SPI1: variants seen among roughly 807,000 people sequenced by gnomAD.
SPI1 encodes the protein Spi-1 proto-oncogene.
A neutral mutation model predicts 30.7 loss-of-function variants in SPI1; 3 were observed. The observed-to-expected ratio is 0.10, with a 90% confidence interval of 0.04 to 0.25. SPI1 has a LOEUF of 0.25. SPI1 is among the 10% of genes least tolerant of loss of function. SPI1 has a pLI of 1.00. For synonymous variants in SPI1, 169 were observed against 157.1 expected (o/e 1.08, Z -0.56); for missense variants, 261 against 371.5 (o/e 0.70, Z 2.45).
rs2095941731 is a variant in SPI1 at position 47,375,926 on chromosome 11, C to A, written c.46-197G>T. ...AGGCCTGAAAAGGGGTGACAGGGAC[C>A]TTGGGGGTGAGAGGTCAGAAGAGGA... On this transcript the variant is annotated intron_variant, in intron 1 of 4. Transcript: ENST00000378538. This position sits in a 1 kb window ranked among gnomAD's most constrained non-coding sequence, Gnocchi z 4.2. Among the ~76,000 whole-genome samples, 1 of 152,062 alleles carries A rather than the reference C, an allele frequency of 6.6e-6. No homozygotes were observed. Among genetic ancestry groups the A allele is most frequent in the South Asian group, 2.1e-4 (1 of 4,828 alleles).
At chr11:47,362,681 T>A (rs979387948) in intron 2 of SPI1, among the ~76,000 whole-genome samples, 3 of 150,612 alleles carry the variant, frequency 2.0e-5, no homozygotes, top group Non-Finnish European at 3.0e-5. Flanking sequence ...GTTCAAGTGA[T>A]TCTCCTGCCT....
Position 47,375,678 on chromosome 11 carries a change from G to A in SPI1, c.97C>T (p.His33Tyr). ...CTGCTGAGATAGGGGTAATACTCGT[G>A]CGTTTGGCGTTGGTATAGATCCGTG... ...YDTDLYQRQT[H>Y]EYYPYLSSDG... Residue 33 changes from histidine (H) to tyrosine (Y), a missense_variant, in exon 2 of 5, where the codon CAC becomes TAC. His to Tyr is a moderately conservative substitution (Grantham distance 83). This residue lies in a region of SPI1 where 78 missense variants were observed against 93.2 expected (regional missense o/e 0.84). Transcript: ENST00000378538. The surrounding 1 kb of genome is among the most constrained non-coding windows in gnomAD (Gnocchi z 4.2). 1.2e-6 allele frequency: 2 copies of A among 1,614,024 alleles called. No homozygotes were observed. The highest frequency in any genetic ancestry group is 3.3e-4 in the Middle Eastern group (2 of 6,042).
intron 2 of SPI1, among the ~76,000 whole-genome samples, chr11:47,370,225 A>C (rs1174253113): frequency 6.6e-6 from 1 of 152,064 alleles, no homozygotes; most frequent in Non-Finnish European, 1.5e-5. Context: ...CAACATGGTG[A>C]AACCCCACCT....
Position 47,355,347 on chromosome 11 carries a change from C to T in SPI1, c.693G>A (p.Ala231=), listed in dbSNP as rs140748162. The stretch of plus-strand genomic sequence containing the variant: ...CGCCCGTCTTGCCGTAGTTGCGCAG[C>T]GCGCGCGCCATCTTCTGGTAGGTCA... ...KKMTYQKMAR[A]LRNYGKTGEV... is the part of the protein sequence containing the mutation. Residue 231 remains alanine, a synonymous_variant, in exon 5 of 5, where the codon GCG becomes GCA. Transcript: ENST00000378538. 1.9e-6 allele frequency: 3 copies of T among 1,613,328 alleles called. No homozygotes were observed. Among genetic ancestry groups the T allele is most frequent in the East Asian group, 4.5e-5 (2 of 44,862 alleles).
At chr11:47,365,293 A>G (rs938109751) in intron 2 of SPI1, among the ~76,000 whole-genome samples, 4 of 152,206 alleles carry the variant, frequency 2.6e-5, no homozygotes, top group Non-Finnish European at 4.4e-5. Flanking sequence ...TGTCATTTGC[A>G]TAACATCTGG....
intron 2 of SPI1, among the ~76,000 whole-genome samples, chr11:47,369,861 CA>C (rs773495717): frequency 2.2e-4 from 34 of 152,328 alleles, no homozygotes; most frequent in Non-Finnish European, 3.8e-4. Flanking sequence ...AGGAGACGAC[CA>C]TGATAACAAA....
intron 2 of SPI1, among the ~76,000 whole-genome samples, chr11:47,365,106 T>C (rs2095926466): frequency 6.6e-6 from 1 of 152,166 alleles, no homozygotes; most frequent in African/African-American, 2.4e-5. Context: ...ATACAAGGAA[T>C]CCTTCCTAGT....
chr11:47,369,992 A>G (rs1390197426), intron 2 of SPI1, among the ~76,000 whole-genome samples: 1 of 152,230 alleles, frequency 6.6e-6, no homozygotes, highest in Non-Finnish European at 1.5e-5. Context: ...TGAGGCACAG[A>G]GAGGTTGGAG....
chr11:47,369,402 A>G (rs1319304247), intron 2 of SPI1, among the ~76,000 whole-genome samples: 1 of 152,160 alleles, frequency 6.6e-6, no homozygotes, highest in African/African-American at 2.4e-5. Flanking sequence ...TTATTGCAAT[A>G]GTTTCCTCAA....
chr11:47,362,486 C>A (rs1053653844), intron 2 of SPI1, among the ~76,000 whole-genome samples: 1 of 151,580 alleles, frequency 6.6e-6, no homozygotes, highest in South Asian at 2.1e-4. Context: ...ACGAAAAGAT[C>A]GTTTGAACCC....
rs528346409 is a variant in SPI1 at position 47,374,617 on chromosome 11, T to TCGCTGGTCTGCCCGGGTCCCAGA, written c.142+993_142+1015dup. Among the ~76,000 whole-genome samples the TCGCTGGTCTGCCCGGGTCCCAGA allele has an allele frequency of 4.5e-3, 686 of 152,320 alleles. 3 individuals carry two copies. Among genetic ancestry groups the TCGCTGGTCTGCCCGGGTCCCAGA allele is most frequent in the Non-Finnish European group, 8.0e-3 (542 of 68,018 alleles). On this transcript the variant is annotated intron_variant, in intron 2 of 4. Transcript: ENST00000378538. This position sits in a 1 kb window ranked among gnomAD's most constrained non-coding sequence, Gnocchi z 4.5. ...GCCCTCTGAGGTGCAGACACCCCAGTCGCTGGTCTGCCCGGGTCCCAGACG... is the reference window on the plus strand; with the variant it reads ...GCCCTCTGAGGTGCAGACACCCCAGTCGCTGGTCTGCCCGGGTCCCAGACGCTGGTCTGCCCGGGTCCCAGACG...
At chr11:47,370,441 C>A (rs545099824) in intron 2 of SPI1, among the ~76,000 whole-genome samples, 3 of 151,608 alleles carry the variant, frequency 2.0e-5, no homozygotes, top group Non-Finnish European at 4.4e-5. Flanking sequence ...TGGTGGCTCA[C>A]GCCTGTAATT....
At chr11:47,367,246 C>G (rs1018278570) in intron 2 of SPI1, among the ~76,000 whole-genome samples, 1 of 151,976 alleles carries the variant, frequency 6.6e-6, no homozygotes, top group African/African-American at 2.4e-5. Flanking sequence ...CATTTTGGAA[C>G]TCTTTTCTTC....
intron 4 of SPI1, among the ~76,000 whole-genome samples, chr11:47,356,531 CACCTCACACCA>C (rs1253826106): frequency 2.4e-4 from 36 of 151,676 alleles, no homozygotes; most frequent in Non-Finnish European, 4.9e-4. Flanking sequence ...TGCTCACACA[CACCTCACACCA>C]GGTTCACACA....
At chr11:47,360,078 G>T (rs1371348791) in intron 2 of SPI1, 38 bp from the exon 3 acceptor site, 3 of 1,473,782 alleles carry the variant, frequency 2.0e-6, no homozygotes, top group East Asian at 4.8e-5. Flanking sequence ...GTGAGCTCAG[G>T]GTTGGGCAGG....
chr11:47,368,548 A>G (rs1441915052), intron 2 of SPI1, among the ~76,000 whole-genome samples: 1 of 152,228 alleles, frequency 6.6e-6, no homozygotes, highest in Non-Finnish European at 1.5e-5. Context: ...CATGCGCAAA[A>G]CGTGGCGCGC....
At chr11:47,360,355 C>T (rs2095918874) in intron 2 of SPI1, among the ~76,000 whole-genome samples, 1 of 152,190 alleles carries the variant, frequency 6.6e-6, no homozygotes, top group Non-Finnish European at 1.5e-5. Context: ...AATCCTGGCT[C>T]TGCCATTTAC....
rs115045196 is a variant in SPI1, at chr11:47,366,294, C to T, written c.143-6254G>A. Among the ~76,000 whole-genome samples the T allele has an allele frequency of 8.6e-3, 1,314 of 152,244 alleles. 22 individuals carry two copies. Among genetic ancestry groups the T allele is most frequent in the African/African-American group, 0.03 (1,254 of 41,528 alleles). On this transcript the variant is annotated intron_variant, in intron 2 of 4. Transcript: ENST00000378538. ...TTTTTTGGTGTCACTAACACCTGTA[C>T]GTCACCAGTATAAAAATAAAATCAT...
At chr11:47,376,270 A>G (rs866830015) in intron 1 of SPI1, among the ~76,000 whole-genome samples, 1 of 151,950 alleles carries the variant, frequency 6.6e-6, no homozygotes, top group African/African-American at 2.4e-5. Flanking sequence ...ATTGACACTC[A>G]CATGACACCA....
Sources: allele counts gnomAD v4.1 joint callset (sites outside exome capture counted in the v4.1 genomes callset), GRCh38; gene constraint gnomAD v4.1.1; regional missense constraint gnomAD v4.1.1; non-coding constraint Gnocchi (gnomAD v3.1); transcripts MANE v1.5; gene names NCBI Gene and HGNC (gene_info 2026-07-23, HGNC 2026-07-21).